Variants in ALDH9A1 observed in about 807,000 individuals in gnomAD.
ALDH9A1 encodes the protein 4-trimethylaminobutyraldehyde dehydrogenase.
ALDH9A1 carries 42 observed loss-of-function variants against 56.6 expected under a neutral mutation model. The ratio of observed to expected loss-of-function variants is 0.74; its 90% CI spans 0.58 to 0.96. The LOEUF is 0.96. Among genes scored for constraint, ALDH9A1 ranks in the 40% least tolerant of loss-of-function variants. ALDH9A1 has a pLI of 0.00. For missense variants in ALDH9A1, 661 were observed against 651.5 expected (o/e 1.01, Z -0.16); for synonymous variants, 242 against 236.0 (o/e 1.03, Z -0.23).
chr1:165,689,068 T>C (rs1649801696), intron 2 of ALDH9A1, among the ~76,000 whole-genome samples: 1 of 152,154 alleles, frequency 6.6e-6, no homozygotes, highest in South Asian at 2.1e-4. Context: ...AAGGAGCCAA[T>C]TCTTAACAGC....
rs74365740 is a variant in ALDH9A1, at chr1:165,662,808, G to C, written c.*242C>G. The stretch of plus-strand genomic sequence containing the variant: ...AGAAGTATGTTACTGGCTCTTAAAA[G>C]ATTTCACAAAAATACGCTTTGAGGA... On this transcript the variant is annotated 3_prime_UTR_variant, in exon 11 of 11. Coordinates refer to ENST00000354775, the MANE Select transcript of ALDH9A1 (RefSeq NM_000696.4). The C allele has an allele frequency of 1.4e-5, 7 of 487,768 alleles. No homozygotes were observed. Among genetic ancestry groups the C allele is most frequent in the Non-Finnish European group, 2.2e-5 (6 of 269,470 alleles). 30.2% of individuals were successfully genotyped at this position (487,768 alleles called of 1,614,324 possible).
chr1:165,687,552 A>G (rs1054620516), intron 2 of ALDH9A1, among the ~76,000 whole-genome samples: 2 of 152,158 alleles, frequency 1.3e-5, no homozygotes, highest in African/African-American at 4.8e-5. Context: ...AAACAATACA[A>G]ATCAGAAGAC....
intron 6 of ALDH9A1, among the ~76,000 whole-genome samples, chr1:165,670,995 T>C (rs895289949): frequency 6.6e-6 from 1 of 152,114 alleles, no homozygotes; most frequent in Non-Finnish European, 1.5e-5. Context: ...TAGTTCAACG[T>C]GGGAGATGGA....
chr1:165,679,065 T>C (rs868623419), intron 6 of ALDH9A1, among the ~76,000 whole-genome samples: 23 of 152,366 alleles, frequency 1.5e-4, no homozygotes, highest in Middle Eastern at 6.8e-3. Context: ...GTAAGGGCTA[T>C]AGATTCAGTA....
At chr1:165,671,370 G>A (rs919035029) in intron 6 of ALDH9A1, 9 of 444,340 alleles carry the variant, frequency 2.0e-5, no homozygotes, top group Admixed American at 9.7e-5. Context: ...GACATCTGAC[G>A]ACATGAAGGA....
Position 165,662,316 on chromosome 1 carries a change from C to CTGTA in ALDH9A1, c.*730_*733dup, listed in dbSNP as rs1236285437. On this transcript the variant is annotated 3_prime_UTR_variant, in exon 11 of 11. Transcript: ENST00000354775. ...AGCTCCACTGGTGTAAGACAGCAGG[C>CTGTA]TGTAGTTCAAGGACCCAAGATAGGG... 1.3e-5 allele frequency: 2 copies of CTGTA among 149,192 alleles called. No homozygotes were observed. Among genetic ancestry groups the CTGTA allele is most frequent in the East Asian group, 1.9e-4 (1 of 5,188 alleles). 9.2% of individuals were successfully genotyped at this position (149,192 alleles called of 1,614,324 possible). A position where few individuals can be genotyped will look rare whatever the true frequency, so the allele number is the denominator to read the frequency against.
At chr1:165,665,165 A>T (rs1389534909) in intron 9 of ALDH9A1, 35 bp from the exon 10 acceptor site, 1 of 1,557,080 alleles carries the variant, frequency 6.4e-7, no homozygotes, top group Non-Finnish European at 8.8e-7. Flanking sequence ...CATTATTGAG[A>T]GTTTCTTAGG....
At chr1:165,675,887 A>G (rs1241715912) in intron 6 of ALDH9A1, among the ~76,000 whole-genome samples, 4 of 152,190 alleles carry the variant, frequency 2.6e-5, no homozygotes, top group Non-Finnish European at 4.4e-5. Flanking sequence ...TAGAAGGTTT[A>G]TTTTCCACAG....
chr1:165,695,661 A>G (rs978993615), intron 1 of ALDH9A1, among the ~76,000 whole-genome samples: 1 of 151,132 alleles, frequency 6.6e-6, no homozygotes, highest in African/African-American at 2.4e-5. Flanking sequence ...ACGCCCAGCT[A>G]ATTTTTTGTA....
chr1:165,671,020 G>A (rs182510403), intron 6 of ALDH9A1, among the ~76,000 whole-genome samples: 1 of 152,182 alleles, frequency 6.6e-6, no homozygotes, highest in Non-Finnish European at 1.5e-5. Flanking sequence ...GCAGTGAGCC[G>A]AGATCGTCCC....
intron 3 of ALDH9A1, chr1:165,682,750 G>C (rs1207821200): frequency 8.6e-6 from 4 of 463,578 alleles, no homozygotes; most frequent in Non-Finnish European, 1.5e-5. Context: ...TATCATGCTA[G>C]GTGCTTTACA....
chr1:165,671,403 A>T, intron 6 of ALDH9A1: 1 of 462,180 alleles, frequency 2.2e-6, no homozygotes, highest in Non-Finnish European at 4.3e-6. Flanking sequence ...ACTGGCCAAG[A>T]AGGGCCTGAC....
intron 8 of ALDH9A1, among the ~76,000 whole-genome samples, chr1:165,667,665 C>T (rs1459386867): frequency 6.6e-6 from 1 of 152,130 alleles, no homozygotes; most frequent in South Asian, 2.1e-4. Context: ...GTATTGTAAG[C>T]TTTTCCTATT....
rs1373832520 is a variant in ALDH9A1, at chr1:165,676,490, TG to T, written c.930+2951del. 6 of 277,174 alleles carry T rather than the reference TG, an allele frequency of 2.2e-5. No individual in the cohort carries two copies. In the East Asian group the frequency reaches 7.0e-4, roughly 32 times the overall value. 17.2% of individuals were successfully genotyped at this position (277,174 alleles called of 1,614,324 possible). A position where few individuals can be genotyped will look rare whatever the true frequency, so the allele number is the denominator to read the frequency against. On this transcript the variant is annotated intron_variant, in intron 6 of 10. Coordinates refer to ENST00000354775, the MANE Select transcript of ALDH9A1 (RefSeq NM_000696.4). ...CCCAAAAGCATTACCTGGGAAAAACTGGAAGAGTCTACAATGTTACCCAGCA... is the reference window on the plus strand; with the variant it reads ...CCCAAAAGCATTACCTGGGAAAAACTGAAGAGTCTACAATGTTACCCAGCA...
At chr1:165,684,000 T>C (rs963632753) in intron 2 of ALDH9A1, among the ~76,000 whole-genome samples, 2 of 152,144 alleles carry the variant, frequency 1.3e-5, no homozygotes, top group African/African-American at 4.8e-5. Context: ...ATTCTGTTTA[T>C]AAAACTGATA....
At chr1:165,696,997 A>G (rs1650109556) in intron 1 of ALDH9A1, among the ~76,000 whole-genome samples, 1 of 152,214 alleles carries the variant, frequency 6.6e-6, no homozygotes, top group South Asian at 2.1e-4. Flanking sequence ...GTCAAATACT[A>G]AATTCTCCAG....
In ALDH9A1 at chr1:165,667,447, T is replaced by A; in HGVS notation, c.1211A>T (p.Asn404Ile). The A allele has an allele frequency of 6.2e-7, 1 of 1,613,872 alleles. No individual in the cohort carries two copies. Among genetic ancestry groups the A allele is most frequent in the Non-Finnish European group, 8.5e-7 (1 of 1,179,922 alleles). ...CACACAGGTCATGTCGTCTCTGCAA[T>A]TAGCTGCAAACATTAAAATAAAACC... ...GYYMRPCVLT[N>I]CRDDMTCVKE... is the part of the protein sequence containing the mutation. The change falls in exon 9 of 11, where the codon AAT becomes ATT. Residue 404 changes from asparagine to isoleucine, a missense_variant. Physicochemically the swap from Asn to Ile is moderately radical, Grantham distance 149 (BLOSUM62 -3). Coordinates refer to ENST00000354775, the MANE Select transcript of ALDH9A1 (RefSeq NM_000696.4).
In ALDH9A1 at chr1:165,665,132, T is replaced by C. The variant is rs1340813521; in HGVS notation, c.1350-2A>G. 3.7e-6 allele frequency: 6 copies of C among 1,611,108 alleles called. No homozygotes were observed. The highest frequency in any genetic ancestry group is 1.7e-5 in the Admixed American group (1 of 59,416). ...ACTCTATGAGCCCGTTGGATGTCCC[T>C]ATGAAGAAAAAAAAAATGTGTGCAT... On this transcript the variant is annotated splice_acceptor_variant, in intron 9 of 10. Coordinates refer to ENST00000354775, the MANE Select transcript of ALDH9A1 (RefSeq NM_000696.4). LOFTEE classifies it high-confidence loss of function.
rs1475445535 is a variant in ALDH9A1 at position 165,695,364 on chromosome 1, T to C, written c.215A>G (p.Glu72Gly). 8 of 1,612,364 alleles carry C rather than the reference T, an allele frequency of 5.0e-6. No individual in the cohort carries two copies. The highest frequency in any genetic ancestry group is 6.8e-6 in the Non-Finnish European group (8 of 1,179,362). ...RVIATFTCSG[E>G]KEVNLAVQNA... ...TTGAACAGCCAAATTTACTTCCTTT[T>C]CTCCTGAACATGTGAAAGTAGCTAT... Residue 72 changes from glutamate (E) to glycine (G), a missense_variant, in exon 2 of 11, where the codon GAA becomes GGA. Coordinates refer to ENST00000354775, the MANE Select transcript of ALDH9A1 (RefSeq NM_000696.4).
Sources: gnomAD v4.1 joint callset for allele counts (sites outside exome capture counted in the v4.1 genomes callset) on GRCh38, gnomAD v4.1.1 for gene constraint, MANE v1.5 for transcripts, NCBI Gene and HGNC (gene_info 2026-07-23, HGNC 2026-07-21) for gene names.